Variants in UNC79 observed in about 807,000 individuals in gnomAD.
UNC79 encodes unc-79 subunit of NALCN channel complex, also known as protein unc-79 homolog.
UNC79 carries 37 observed loss-of-function variants against 283.1 expected under a neutral mutation model. The observed-to-expected ratio is 0.13, with a 90% CI of 0.10 to 0.17. The LOEUF (loss-of-function observed/expected upper bound fraction) is 0.17. Among genes scored for constraint, UNC79 ranks in the 10% least tolerant of loss-of-function variants. The probability of loss-of-function intolerance (pLI) is 1.00; values close to 1 mark genes in which losing one functional copy is unlikely to be tolerated. For synonymous variants in UNC79, 1,107 were observed against 1,200.2 expected (o/e 0.92, Z 1.61); for missense variants, 2,272 against 3,211.1 (o/e 0.71, Z 7.07).
chr14:93,399,456 T>C (rs769527730), intron 1 of UNC79, among the ~76,000 whole-genome samples: 5 of 152,228 alleles, frequency 3.3e-5, no homozygotes, highest in Admixed American at 6.5e-5. Context: ...CTATTGAAGA[T>C]ACACAGCATT....
chr14:93,660,310 T>C (rs1206767148), intron 39 of UNC79, among the ~76,000 whole-genome samples: 2 of 151,900 alleles, frequency 1.3e-5, no homozygotes, highest in Non-Finnish European at 2.9e-5. Context: ...TTGGCCAAGA[T>C]CACATAGCTG....
At chr14:93,672,991 A>G (rs565027536) in intron 40 of UNC79, among the ~76,000 whole-genome samples, 1 of 152,164 alleles carries the variant, frequency 6.6e-6, no homozygotes, top group South Asian at 2.1e-4. Flanking sequence ...AGAGTTGTAT[A>G]TGTTTCTCTC....
At chr14:93,529,174 A>T in intron 9 of UNC79, 112 bp from the exon 10 acceptor site, 2 of 1,025,732 alleles carry the variant, frequency 1.9e-6, no homozygotes, top group Non-Finnish European at 2.8e-6. Context: ...GCTCTTAATT[A>T]TACTTCCTTT....
chr14:93,508,040 C>T (rs1280154535), intron 7 of UNC79, among the ~76,000 whole-genome samples: 1 of 152,026 alleles, frequency 6.6e-6, no homozygotes, highest in Non-Finnish European at 1.5e-5. Flanking sequence ...GTATCTCTGT[C>T]TGTACACCAA....
chr14:93,679,653 TG>T, intron 41 of UNC79, among the ~76,000 whole-genome samples: 3 of 152,298 alleles, frequency 2.0e-5, no homozygotes, highest in Middle Eastern at 6.8e-3. Context: ...TATCATTGAA[TG>T]GGGTTATTAA....
intron 3 of UNC79, among the ~76,000 whole-genome samples, chr14:93,477,282 A>G (rs1251926292): frequency 6.6e-6 from 1 of 152,230 alleles, no homozygotes; most frequent in Non-Finnish European, 1.5e-5. Flanking sequence ...ATGTAGTAAT[A>G]CAAATACCAA....
At chr14:93,662,282 C>T (rs576158976) in intron 39 of UNC79, among the ~76,000 whole-genome samples, 1 of 152,162 alleles carries the variant, frequency 6.6e-6, no homozygotes, top group Non-Finnish European at 1.5e-5. Context: ...GTGGAAGATC[C>T]CACTGCAAAC....
chr14:93,389,015 AT>A (rs2054832240), intron 1 of UNC79, among the ~76,000 whole-genome samples: 1 of 152,152 alleles, frequency 6.6e-6, no homozygotes, highest in African/African-American at 2.4e-5. Flanking sequence ...TTAACTTTTT[AT>A]CCTTGTATCA....
At chr14:93,629,066 G>A (rs938847006) in intron 30 of UNC79, among the ~76,000 whole-genome samples, 2 of 152,104 alleles carry the variant, frequency 1.3e-5, no homozygotes, top group Non-Finnish European at 2.9e-5. Flanking sequence ...GGGCATGGTG[G>A]TGTGTGCCTG....
At chr14:93,557,061 A>G (rs1246022212) in intron 14 of UNC79, among the ~76,000 whole-genome samples, 2 of 152,216 alleles carry the variant, frequency 1.3e-5, no homozygotes, top group Non-Finnish European at 2.9e-5. Flanking sequence ...AAGCTACTCC[A>G]TTACAGAGAA....
intron 1 of UNC79, among the ~76,000 whole-genome samples, chr14:93,362,834 C>T (rs2054253274): frequency 6.6e-6 from 1 of 151,550 alleles, no homozygotes; most frequent in Non-Finnish European, 1.5e-5. Context: ...TGGTGGTGTC[C>T]CTTTTGTTAT....
intron 1 of UNC79, among the ~76,000 whole-genome samples, chr14:93,365,834 A>C (rs2054318160): frequency 6.6e-6 from 1 of 152,188 alleles, no homozygotes. Context: ...GAGGAAATAA[A>C]GGAGTCAAAT....
intron 48 of UNC79, among the ~76,000 whole-genome samples, chr14:93,706,316 C>T (rs1268141499): frequency 6.6e-6 from 1 of 152,118 alleles, no homozygotes; most frequent in Admixed American, 6.6e-5. Flanking sequence ...CCCAAAGTCG[C>T]CTATAGAAGA....
intron 24 of UNC79, among the ~76,000 whole-genome samples, chr14:93,598,813 C>G (rs2065280396): frequency 6.6e-6 from 1 of 152,364 alleles, no homozygotes; most frequent in South Asian, 2.1e-4. Context: ...TGAGCCACCA[C>G]TGCGCCTGGC....
chr14:93,704,690 G>A (rs1264105699), intron 48 of UNC79, 24 bp downstream of exon 51: 13 of 1,613,608 alleles, frequency 8.1e-6, no homozygotes, highest in East Asian at 2.2e-5. Flanking sequence ...TGGGCTGATT[G>A]GAAGCTCGGT....
chr14:93,362,085 T>C (rs1369535757), intron 1 of UNC79, among the ~76,000 whole-genome samples: 2 of 152,226 alleles, frequency 1.3e-5, no homozygotes, highest in East Asian at 3.9e-4. Context: ...CTAGATTTGG[T>C]TTGGTAGTAT....
At chr14:93,663,329 G>A (rs1430492042) in intron 40 of UNC79, among the ~76,000 whole-genome samples, 1 of 152,218 alleles carries the variant, frequency 6.6e-6, no homozygotes, top group Non-Finnish European at 1.5e-5. Flanking sequence ...CCTTGTTGGA[G>A]CTGGTAGATG....
At chr14:93,434,896 G>T (rs1343608005) in intron 1 of UNC79, among the ~76,000 whole-genome samples, 1 of 152,084 alleles carries the variant, frequency 6.6e-6, no homozygotes, top group African/African-American at 2.4e-5. Flanking sequence ...GGAGATAATT[G>T]TGAAGTTTGG....
intron 14 of UNC79, among the ~76,000 whole-genome samples, chr14:93,566,999 T>C (rs953125999): frequency 3.1e-4 from 47 of 152,212 alleles, no homozygotes; most frequent in African/African-American, 1.1e-3. Context: ...AACCTAAAAC[T>C]GCCTCCTTAC....
Sources: allele counts gnomAD v4.1 joint callset (sites outside exome capture counted in the v4.1 genomes callset), GRCh38; gene constraint gnomAD v4.1.1; transcripts MANE v1.5; gene names NCBI Gene and HGNC (gene_info 2026-07-23, HGNC 2026-07-21).